LRP1B: variants seen among roughly 807,000 people sequenced by gnomAD.
LRP1B encodes LDL receptor related protein 1B.
Under a neutral mutation model 556.6 loss-of-function variants are expected in LRP1B, and 217 were observed. The observed-to-expected ratio is 0.39, with a 90% CI of 0.35 to 0.44. The LOEUF is 0.44. Ranked by LOEUF, LRP1B falls within the 20% of genes least tolerant of loss-of-function variation. The pLI, the probability that LRP1B is intolerant of heterozygous loss-of-function variation, is 1.00. For missense variants in LRP1B, 5,053 were observed against 5,620.8 expected, an observed-to-expected ratio of 0.90 and a Z score of 3.23; for synonymous variants, 2,047 against 1,865.8, an observed-to-expected ratio of 1.10 and a Z score of -2.50.
chr2:140,750,979 C>CTCTTTTT (rs1491376702), intron 35 of LRP1B, among the ~76,000 whole-genome samples: 3 of 139,078 alleles, frequency 2.2e-5, no homozygotes, highest in African/African-American at 7.9e-5. Context: ...ACAGTTATAA[C>CTCTTTTT]TCTTTTTTTT....
chr2:140,233,375 A>T (rs1246918597), intron 90 of LRP1B, 49 bp from the exon 91 acceptor site: 1 of 1,348,018 alleles, frequency 7.4e-7, no homozygotes, highest in South Asian at 1.5e-5. Context: ...TCTTGGCCAC[A>T]TTAATTATTT....
chr2:141,074,637 TAC>T (rs1558842526), intron 7 of LRP1B, among the ~76,000 whole-genome samples: 1 of 43,368 alleles, frequency 2.3e-5, no homozygotes, highest in Non-Finnish European at 6.5e-5. Context: ...ACACATATAT[TAC>T]ATATATAATT....
At chr2:140,752,555 C>T (rs1025120346) in intron 35 of LRP1B, among the ~76,000 whole-genome samples, 1 of 152,066 alleles carries the variant, frequency 6.6e-6, no homozygotes, top group African/African-American at 2.4e-5. Context: ...AAATTCCTGA[C>T]CTCAAGTCAT....
chr2:140,866,520 A>T (rs1457766477), intron 27 of LRP1B, among the ~76,000 whole-genome samples: 2 of 152,142 alleles, frequency 1.3e-5, no homozygotes, highest in Admixed American at 1.3e-4. Flanking sequence ...TAAGCAGTAG[A>T]TATAGAAACC....
chr2:141,843,637 C>T (rs1417285408), intron 1 of LRP1B, among the ~76,000 whole-genome samples: 2 of 152,074 alleles, frequency 1.3e-5, no homozygotes, highest in South Asian at 4.1e-4. Context: ...TGGACTACTC[C>T]TCTTTTTATA....
chr2:141,363,701 T>C (rs141027109), intron 3 of LRP1B, among the ~76,000 whole-genome samples: 1,793 of 152,212 alleles, frequency 0.012, 24 homozygotes, highest in Middle Eastern at 0.021. Context: ...TACATGTACT[T>C]TTTTGTAGGT....
intron 21 of LRP1B, among the ~76,000 whole-genome samples, chr2:140,922,674 A>T (rs187003050): frequency 2.0e-3 from 298 of 151,984 alleles, no homozygotes; most frequent in Middle Eastern, 6.8e-3. Context: ...ATAAACAAAT[A>T]AATTAATTAA....
chr2:141,065,192 G>A (rs550428863), intron 7 of LRP1B, among the ~76,000 whole-genome samples: 9 of 151,822 alleles, frequency 5.9e-5, no homozygotes, highest in East Asian at 1.9e-4. Context: ...ATTTCGTTCC[G>A]TTGGCTATTT....
intron 37 of LRP1B, among the ~76,000 whole-genome samples, chr2:140,713,432 C>G (rs1272089828): frequency 1.3e-5 from 2 of 151,762 alleles, no homozygotes; most frequent in Non-Finnish European, 2.9e-5. Context: ...GGAAAGAACC[C>G]TTTTGTCTAA....
At chr2:142,053,504 A>T (rs553466591) in intron 1 of LRP1B, among the ~76,000 whole-genome samples, 2 of 152,294 alleles carry the variant, frequency 1.3e-5, no homozygotes, top group South Asian at 4.1e-4. Context: ...ACACACATGT[A>T]AAGATTATAG....
At chr2:141,114,076 C>T (rs1416733693) in intron 7 of LRP1B, among the ~76,000 whole-genome samples, 5 of 152,164 alleles carry the variant, frequency 3.3e-5, no homozygotes, top group African/African-American at 4.8e-5. Context: ...ATTCACTGAC[C>T]CCCTCACAGG....
At chr2:141,461,329 AT>A (rs1681862276) in intron 3 of LRP1B, among the ~76,000 whole-genome samples, 2 of 152,192 alleles carry the variant, frequency 1.3e-5, no homozygotes, top group Non-Finnish European at 2.9e-5. Flanking sequence ...ACCAATGGTT[AT>A]ACCAATACAG....
chr2:140,915,579 G>A (rs888899225), intron 21 of LRP1B, among the ~76,000 whole-genome samples: 3 of 151,648 alleles, frequency 2.0e-5, no homozygotes, highest in Admixed American at 2.0e-4. Flanking sequence ...TTGAACCTGG[G>A]GGTTGGAGGT....
At chr2:141,259,514 T>A (rs1204723989) in intron 3 of LRP1B, among the ~76,000 whole-genome samples, 1 of 152,176 alleles carries the variant, frequency 6.6e-6, no homozygotes, top group Non-Finnish European at 1.5e-5. Flanking sequence ...ATCCTGACAA[T>A]CTTCTCCTCT....
chr2:141,336,189 G>C (rs1460122120), intron 3 of LRP1B, among the ~76,000 whole-genome samples: 1 of 151,640 alleles, frequency 6.6e-6, no homozygotes, highest in Non-Finnish European at 1.5e-5. Context: ...ATGGTAGGGT[G>C]ACTCTGCAGT....
At chr2:140,523,363 T>C (rs942836691) in intron 49 of LRP1B, among the ~76,000 whole-genome samples, 3 of 151,790 alleles carry the variant, frequency 2.0e-5, no homozygotes, top group African/African-American at 7.3e-5. Context: ...ATAACAATCC[T>C]CGACAAACTA....
Position 141,093,835 on chromosome 2 carries a change from C to G in LRP1B, c.1014-31562G>C, listed in dbSNP as rs552021012. Among the ~76,000 whole-genome samples the G allele has an allele frequency of 5.3e-5, 8 of 152,214 alleles. No individual in the cohort carries two copies. The East Asian group carries it at 1.5e-3, about 29-fold the overall frequency. On this transcript the variant is annotated intron_variant, in intron 7 of 90. Transcript: ENST00000389484. ...GTTCAATCAATTCTCCTGTCTCAGCCTCCCAAGTAGCTGGGATTACAGTTG... is the reference window on the plus strand; with the variant it reads ...GTTCAATCAATTCTCCTGTCTCAGCGTCCCAAGTAGCTGGGATTACAGTTG...
chr2:141,248,249 A>T (rs1451734075), intron 4 of LRP1B, among the ~76,000 whole-genome samples: 1 of 152,216 alleles, frequency 6.6e-6, no homozygotes, highest in Non-Finnish European at 1.5e-5. Context: ...ACAAAGGTAT[A>T]TTCAGCCTGT....
At chr2:142,033,850 A>G (rs1703786464) in intron 1 of LRP1B, among the ~76,000 whole-genome samples, 1 of 151,786 alleles carries the variant, frequency 6.6e-6, no homozygotes, top group African/African-American at 2.4e-5. Context: ...TGTGAAAACA[A>G]TGTTCTCTGT....
Sources: gnomAD v4.1 joint callset for allele counts (sites outside exome capture counted in the v4.1 genomes callset) on GRCh38, gnomAD v4.1.1 for gene constraint, MANE v1.5 for transcripts, NCBI Gene and HGNC (gene_info 2026-07-23, HGNC 2026-07-21) for gene names.